CTNNA3: variants seen among roughly 807,000 people sequenced by gnomAD.
CTNNA3 encodes the protein catenin alpha-3.
In CTNNA3, 76 loss-of-function variants were observed where a neutral mutation model predicts 95.7. The ratio of observed to expected loss-of-function variants is 0.79; its 90% CI spans 0.66 to 0.96. The LOEUF is 0.96. Among genes scored for constraint, CTNNA3 ranks in the 40% least tolerant of loss-of-function variants. CTNNA3 has a pLI of 0.00. For synonymous variants in CTNNA3, 431 were observed against 374.4 expected, an observed-to-expected ratio of 1.15 and a Z score of -1.74; for missense variants, 1,191 against 1,089.8, an observed-to-expected ratio of 1.09 and a Z score of -1.31.
intron 2 of CTNNA3, among the ~76,000 whole-genome samples, chr10:67,633,920 A>G (rs77853196): frequency 1.3e-3 from 195 of 152,336 alleles, no homozygotes; most frequent in African/African-American, 4.4e-3. Flanking sequence ...GATATCATCC[A>G]GGAGAACTTC....
intron 1 of CTNNA3, among the ~76,000 whole-genome samples, chr10:67,692,736 T>TAAAAAAAAAAAAA (rs200961420): frequency 1.1e-4 from 9 of 80,830 alleles, no homozygotes; most frequent in African/African-American, 3.7e-4. Context: ...GAATGATCAA[T>TAAAAAAAAAAAAA]AAAAAAAAAA....
intron 7 of CTNNA3, among the ~76,000 whole-genome samples, chr10:66,922,950 A>G (rs2132606840): frequency 6.6e-6 from 1 of 152,306 alleles, no homozygotes; most frequent in South Asian, 2.1e-4. Context: ...TACGCTTTGT[A>G]TAAAAAACAA....
intron 7 of CTNNA3, among the ~76,000 whole-genome samples, chr10:67,145,202 T>A (rs1860782300): frequency 6.6e-6 from 1 of 152,108 alleles, no homozygotes; most frequent in South Asian, 2.1e-4. Flanking sequence ...AGATCACTGG[T>A]CACAGAACAC....
At chr10:66,896,619 G>A (rs1287773770) in intron 7 of CTNNA3, among the ~76,000 whole-genome samples, 2 of 152,098 alleles carry the variant, frequency 1.3e-5, no homozygotes, top group East Asian at 3.9e-4. Flanking sequence ...TGCCTAAAAG[G>A]TTCCTTTTTT....
chr10:65,929,352 T>A (rs2077215472), intron 17 of CTNNA3, among the ~76,000 whole-genome samples: 1 of 152,162 alleles, frequency 6.6e-6, no homozygotes, highest in Non-Finnish European at 1.5e-5. Flanking sequence ...AGTTTTATAG[T>A]CGACAACCTG....
At chr10:66,200,312 A>C (rs1168234133) in intron 13 of CTNNA3, among the ~76,000 whole-genome samples, 2 of 152,056 alleles carry the variant, frequency 1.3e-5, no homozygotes, top group African/African-American at 4.8e-5. Flanking sequence ...CTCCAGTGAG[A>C]AATGGCAGAA....
chr10:66,643,518 T>C (rs1402497900), intron 9 of CTNNA3, among the ~76,000 whole-genome samples: 3 of 152,080 alleles, frequency 2.0e-5, no homozygotes, highest in Admixed American at 2.0e-4. Flanking sequence ...TCTAGTAGAG[T>C]TAATATCATT....
At chr10:66,518,133 T>C (rs1840928602) in intron 11 of CTNNA3, among the ~76,000 whole-genome samples, 3 of 152,160 alleles carry the variant, frequency 2.0e-5, no homozygotes, top group African/African-American at 7.2e-5. Flanking sequence ...TTACATGAGT[T>C]TTCTGTTTCT....
chr10:66,070,149 C>A lies in CTNNA3; in HGVS notation c.1978-660G>T, dbSNP rs985226000. Among the ~76,000 whole-genome samples, 3 of 152,046 alleles carry A rather than the reference C, an allele frequency of 2.0e-5. No individual in the cohort carries two copies. The South Asian group carries it at 6.2e-4, about 32-fold the overall frequency. On this transcript the variant is annotated intron_variant, in intron 14 of 17. Transcript: ENST00000433211. Reference sequence around the variant, plus strand: ...CTATGAAGAATCAAATTAAGCTACACAAGACTAAGTTTTTAACTGACACAA... The same window carrying A: ...CTATGAAGAATCAAATTAAGCTACAAAAGACTAAGTTTTTAACTGACACAA...
At chr10:67,434,400 T>C (rs1332159056) in intron 5 of CTNNA3, among the ~76,000 whole-genome samples, 1 of 152,008 alleles carries the variant, frequency 6.6e-6, no homozygotes, top group Non-Finnish European at 1.5e-5. Context: ...ACTTAAAGTA[T>C]GGGTGCTTAA....
intron 3 of CTNNA3, among the ~76,000 whole-genome samples, chr10:67,554,086 A>T (rs146429555): frequency 0.016 from 2,389 of 152,336 alleles, 23 homozygotes; most frequent in South Asian, 0.035. Flanking sequence ...AAAGGACATC[A>T]ACCCATCCTT....
intron 5 of CTNNA3, among the ~76,000 whole-genome samples, chr10:67,510,784 C>A (rs1839599338): frequency 6.6e-6 from 1 of 152,110 alleles, no homozygotes; most frequent in South Asian, 2.1e-4. Context: ...TTACCTTGGG[C>A]AGTATGGCCA....
At chr10:67,248,821 C>T (rs1250637114) in intron 5 of CTNNA3, among the ~76,000 whole-genome samples, 1 of 152,186 alleles carries the variant, frequency 6.6e-6, no homozygotes, top group Non-Finnish European at 1.5e-5. Flanking sequence ...CCATTTATGC[C>T]TGTCTCAACC....
intron 15 of CTNNA3, among the ~76,000 whole-genome samples, chr10:66,043,163 G>T (rs1485765429): frequency 6.9e-6 from 1 of 145,220 alleles, no homozygotes; most frequent in Admixed American, 6.9e-5. Context: ...AAGAGAGAGA[G>T]AGAAGAGAAA....
At chr10:66,265,381 A>G (rs2091122174) in intron 13 of CTNNA3, among the ~76,000 whole-genome samples, 1 of 151,998 alleles carries the variant, frequency 6.6e-6, no homozygotes. Flanking sequence ...GAAAGTCAAC[A>G]TTCAACAAAA....
Position 66,765,973 on chromosome 10 carries a change from A to G in CTNNA3, c.1281+291T>C, listed in dbSNP as rs138594217. On this transcript the variant is annotated intron_variant, in intron 9 of 17. Transcript: ENST00000433211. ...AATAATATGTGATAGAGTATTTGAT[A>G]CTTTTAAGTCAGAATGGGAAGAAAA... Among the ~76,000 whole-genome samples, 1,068 of 152,334 alleles carry G rather than the reference A, an allele frequency of 7.0e-3. 7 individuals are homozygous for G. The highest frequency in any genetic ancestry group is 0.024 in the African/African-American group (1,014 of 41,580).
intron 7 of CTNNA3, among the ~76,000 whole-genome samples, chr10:66,865,263 T>A (rs1844127755): frequency 6.6e-6 from 1 of 151,526 alleles, no homozygotes; most frequent in African/African-American, 2.4e-5. Flanking sequence ...CAAAAGGAAG[T>A]ATCATTTTAC....
intron 5 of CTNNA3, chr10:67,346,715 A>G (rs1842430798): frequency 5.9e-6 from 3 of 512,668 alleles, no homozygotes; most frequent in African/African-American, 3.9e-5. Context: ...AATAGAAATA[A>G]TCCAAATTTC....
chr10:66,464,561 G>C (rs938713377), intron 11 of CTNNA3, among the ~76,000 whole-genome samples: 1 of 151,934 alleles, frequency 6.6e-6, no homozygotes, highest in Admixed American at 6.6e-5. Flanking sequence ...TCAGGAGTTC[G>C]AGACCAGCCT....
Sources: gnomAD v4.1 joint callset for allele counts (sites outside exome capture counted in the v4.1 genomes callset) on GRCh38, gnomAD v4.1.1 for gene constraint, MANE v1.5 for transcripts, NCBI Gene and HGNC (gene_info 2026-07-23, HGNC 2026-07-21) for gene names.